Variants in GPC5 observed in about 807,000 individuals in gnomAD.
GPC5 encodes glypican-5.
Under a neutral mutation model 53.9 loss-of-function variants are expected in GPC5, and 47 were observed. The ratio of observed to expected loss-of-function variants is 0.87; its 90% confidence interval spans 0.69 to 1.11. The LOEUF (loss-of-function observed/expected upper bound fraction) is 1.11. Among genes scored for constraint, GPC5 ranks in the 50% most tolerant of loss-of-function variants. GPC5 has a pLI of 0.00. For synonymous variants in GPC5, 286 were observed against 263.3 expected, an observed-to-expected ratio of 1.09 and a Z score of -0.84; for missense variants, 748 against 713.1, an observed-to-expected ratio of 1.05 and a Z score of -0.56.
intron 3 of GPC5, among the ~76,000 whole-genome samples, chr13:91,697,581 A>C (rs977838594): frequency 1.7e-4 from 26 of 152,198 alleles, no homozygotes; most frequent in African/African-American, 5.8e-4. Flanking sequence ...TATTTTCAGA[A>C]AATATTAGAC....
At chr13:91,956,060 A>G (rs1162818156) in intron 6 of GPC5, among the ~76,000 whole-genome samples, 1 of 151,992 alleles carries the variant, frequency 6.6e-6, no homozygotes, top group Non-Finnish European at 1.5e-5. Context: ...TCCAACCAGA[A>G]CATTTCACCA....
At chr13:92,570,477 A>G (rs1882990295) in intron 7 of GPC5, among the ~76,000 whole-genome samples, 1 of 152,144 alleles carries the variant, frequency 6.6e-6, no homozygotes, top group East Asian at 1.9e-4. Context: ...TTCCTCCAAA[A>G]TATTTTAGTA....
intron 6 of GPC5, among the ~76,000 whole-genome samples, chr13:91,965,170 A>C (rs146749607): frequency 0.019 from 2,913 of 152,012 alleles, 89 homozygotes; most frequent in African/African-American, 0.067. Context: ...CAACATGGCA[A>C]ATGTATACAT....
chr13:92,836,587 T>G (rs1878227433), intron 7 of GPC5, among the ~76,000 whole-genome samples: 1 of 152,158 alleles, frequency 6.6e-6, no homozygotes, highest in South Asian at 2.1e-4. Flanking sequence ...ACTTCTCTAA[T>G]CTGTTTTGGT....
chr13:91,952,519 G>C (rs1407123382), intron 6 of GPC5, among the ~76,000 whole-genome samples: 1 of 152,098 alleles, frequency 6.6e-6, no homozygotes, highest in East Asian at 1.9e-4. Context: ...CAATAATATA[G>C]TGTAATAAGC....
chr13:92,628,765 G>A (rs1214073822), intron 7 of GPC5, among the ~76,000 whole-genome samples: 1 of 152,048 alleles, frequency 6.6e-6, no homozygotes, highest in African/African-American at 2.4e-5. Context: ...GACTCTCATT[G>A]GCCTGGCTGA....
At chr13:92,035,438 G>A (rs767616068) in intron 6 of GPC5, among the ~76,000 whole-genome samples, 5 of 152,080 alleles carry the variant, frequency 3.3e-5, no homozygotes, top group Non-Finnish European at 7.4e-5. Context: ...CTGATCGTTT[G>A]TTAACTGTCT....
intron 6 of GPC5, among the ~76,000 whole-genome samples, chr13:92,056,722 T>A (rs192022104): frequency 1.3e-4 from 20 of 152,348 alleles, no homozygotes; most frequent in African/African-American, 4.1e-4. Flanking sequence ...TTGGGTTGTT[T>A]GTTTTTGTTT....
chr13:92,336,855 G>A (rs574301019), intron 7 of GPC5, among the ~76,000 whole-genome samples: 16 of 152,226 alleles, frequency 1.1e-4, no homozygotes, highest in African/African-American at 3.9e-4. Context: ...AAAAGAGATG[G>A]GAATCTCTCT....
At chr13:91,916,579 C>T (rs1319628016) in intron 6 of GPC5, among the ~76,000 whole-genome samples, 2 of 152,122 alleles carry the variant, frequency 1.3e-5, no homozygotes, top group Non-Finnish European at 2.9e-5. Context: ...TGATATACTA[C>T]AATATTGATA....
chr13:91,890,904 G>A (rs889886246), intron 5 of GPC5, among the ~76,000 whole-genome samples: 1 of 152,154 alleles, frequency 6.6e-6, no homozygotes, highest in African/African-American at 2.4e-5. Context: ...TATCTACAGT[G>A]TGTACACATC....
At chr13:92,251,823 A>G (rs529660397) in intron 7 of GPC5, among the ~76,000 whole-genome samples, 1 of 152,210 alleles carries the variant, frequency 6.6e-6, no homozygotes, top group East Asian at 1.9e-4. Flanking sequence ...AATAGCCCCA[A>G]ATGGCTGTAT....
At chr13:92,451,835 G>A (rs1017993949) in intron 7 of GPC5, among the ~76,000 whole-genome samples, 1 of 152,124 alleles carries the variant, frequency 6.6e-6, no homozygotes, top group Non-Finnish European at 1.5e-5. Context: ...ACCTGTATGA[G>A]CTTCAAATGT....
At chr13:91,617,175 G>T (rs772529189) in intron 2 of GPC5, among the ~76,000 whole-genome samples, 3 of 152,138 alleles carry the variant, frequency 2.0e-5, no homozygotes, top group Non-Finnish European at 4.4e-5. Flanking sequence ...TGCCTTTTAG[G>T]TGTTCACCTT....
intron 7 of GPC5, among the ~76,000 whole-genome samples, chr13:92,633,084 T>C (rs1303818526): frequency 1.3e-5 from 2 of 152,078 alleles, no homozygotes; most frequent in Non-Finnish European, 2.9e-5. Context: ...AAAGACGGGG[T>C]TTCACCATGT....
intron 7 of GPC5, among the ~76,000 whole-genome samples, chr13:92,616,706 G>A (rs1884703939): frequency 1.3e-5 from 2 of 152,040 alleles, no homozygotes; most frequent in African/African-American, 4.8e-5. Context: ...TTTAAAGATG[G>A]GCATTTTATG....
intron 2 of GPC5, among the ~76,000 whole-genome samples, chr13:91,452,353 A>C (rs576564177): frequency 2.6e-5 from 4 of 152,256 alleles, no homozygotes; most frequent in Admixed American, 6.5e-5. Flanking sequence ...GCAATCATCC[A>C]TGAAGTATTT....
chr13:92,166,993 CACAT>C (rs1389842070), intron 7 of GPC5, among the ~76,000 whole-genome samples: 150 of 143,660 alleles, frequency 1.0e-3, no homozygotes, highest in African/African-American at 4.0e-3. Context: ...CACACACACA[CACAT>C]ATACACACGC....
At position 92,082,759 on chromosome 13, in the gene GPC5, C is replaced by T. The variant is rs143098481; in HGVS notation, c.1402-62071C>T. Among the ~76,000 whole-genome samples the T allele has an allele frequency of 4.5e-3, 686 of 152,122 alleles. 5 individuals are homozygous for T. Among genetic ancestry groups the T allele is most frequent in the African/African-American group, 0.015 (636 of 41,508 alleles). ...GAGAAAGAGGGAAGTGAAATATCTG[C>T]CAAATACTTCTGATATGTCAGATAT... On this transcript the variant is annotated intron_variant, in intron 6 of 7. Transcript: ENST00000377067.
Sources: gnomAD v4.1 joint callset for allele counts (sites outside exome capture counted in the v4.1 genomes callset) on GRCh38, gnomAD v4.1.1 for gene constraint, MANE v1.5 for transcripts, NCBI Gene and HGNC (gene_info 2026-07-23, HGNC 2026-07-21) for gene names.